Variants in APELA observed in about 807,000 individuals in gnomAD.
The protein encoded by APELA is protein Elabela.
Position 164,882,334 on chromosome 4 carries a change from C to T in APELA, c.*1+3325C>T, listed in dbSNP as rs1730669617. ...GTCAGGTTGGTCTCGAACTCCCGAC[C>T]TCAGGTGATCTGCCCCCCCTCAGAC... On this transcript the variant is annotated intron_variant, in intron 2 of 2. Coordinates refer to ENST00000507152, the MANE Select transcript of APELA (RefSeq NM_001297550.2). Among the ~76,000 whole-genome samples, 2 of 151,894 alleles carry T rather than the reference C, an allele frequency of 1.3e-5. 1 individual carries two copies. Among genetic ancestry groups the T allele is most frequent in the South Asian group, 4.1e-4 (2 of 4,830 alleles).
At chr4:164,890,196 AATAC>A in intron 2 of APELA, among the ~76,000 whole-genome samples, 1 of 152,292 alleles carries the variant, frequency 6.6e-6, no homozygotes, top group East Asian at 1.9e-4. Context: ...TTTCTTGCAA[AATAC>A]TCCTAGAAGT....
chr4:164,886,931 TTCTCCTGGCTCAGCC>T (rs2111060265), intron 2 of APELA, among the ~76,000 whole-genome samples: 1 of 152,094 alleles, frequency 6.6e-6, no homozygotes, highest in African/African-American at 2.4e-5. Context: ...GTTCAAGCAG[TTCTCCTGGCTCAGCC>T]TCCCAAGTAG....
rs1043434853 is a variant in APELA at position 164,878,813 on chromosome 4, A to C, written c.77-107A>C. On this transcript the variant is annotated intron_variant, in intron 1 of 2. Transcript: ENST00000507152. Reference sequence around the variant, plus strand: ...TTATAATCACATTTGAACAAATGGCAAATAACCACAATCTAGTTTGGCTCC... The same window carrying C: ...TTATAATCACATTTGAACAAATGGCCAATAACCACAATCTAGTTTGGCTCC... 6 of 397,392 alleles carry C rather than the reference A, an allele frequency of 1.5e-5. No homozygotes were observed. The East Asian group carries it at 1.8e-4, about 12-fold the overall frequency. 24.6% of individuals were successfully genotyped at this position (397,392 alleles called of 1,614,324 possible). A position where few individuals can be genotyped will look rare whatever the true frequency, so the allele number is the denominator to read the frequency against.
downstream of APELA, among the ~76,000 whole-genome samples, chr4:164,898,252 A>G (rs917660359): frequency 2.0e-5 from 3 of 151,604 alleles, no homozygotes; most frequent in Admixed American, 6.6e-5. Context: ...CTGTAATCCC[A>G]GCACTTTGGG....
At chr4:164,890,159 T>C (rs929541586) in intron 2 of APELA, among the ~76,000 whole-genome samples, 1 of 152,240 alleles carries the variant, frequency 6.6e-6, no homozygotes, top group African/African-American at 2.4e-5. Flanking sequence ...ATGGCATGCA[T>C]ACGTATTTGA....
intron 2 of APELA, among the ~76,000 whole-genome samples, chr4:164,892,775 CT>C (rs1293285693): frequency 1.3e-5 from 2 of 152,054 alleles, no homozygotes; most frequent in Non-Finnish European, 1.5e-5. Context: ...CTAATTCGAT[CT>C]TTTTTCTTGC....
At chr4:164,889,023 G>A (rs1243683461) in intron 2 of APELA, among the ~76,000 whole-genome samples, 2 of 151,576 alleles carry the variant, frequency 1.3e-5, no homozygotes, top group African/African-American at 4.9e-5. Context: ...TTTTTTTTGA[G>A]ACAGAGTTTT....
intron 2 of APELA, among the ~76,000 whole-genome samples, chr4:164,887,339 T>G (rs1467502548): frequency 1.3e-5 from 2 of 152,092 alleles, no homozygotes; most frequent in African/African-American, 4.8e-5. Flanking sequence ...CCTTCATATG[T>G]GCTGTGGGTC....
chr4:164,878,185 A>AAC (rs1424707821), intron 1 of APELA, among the ~76,000 whole-genome samples: 149 of 148,406 alleles, frequency 1.0e-3, no homozygotes, highest in Middle Eastern at 3.5e-3. Flanking sequence ...GAAAGAAAGA[A>AAC]AGAAACAGAA....
rs182143362 is a variant in APELA, at chr4:164,883,781, T to G, written c.*1+4772T>G. ...GATTACAGGCATGAGCCACTGTGTG[T>G]GGCCCCTAGTCTTTCAATAAAAAAT... On this transcript the variant is annotated intron_variant, in intron 2 of 2. Transcript: ENST00000507152. Among the ~76,000 whole-genome samples, 302 of 151,810 alleles carry G rather than the reference T, an allele frequency of 2.0e-3. 3 individuals carry two copies. Among genetic ancestry groups the G allele is most frequent in the Admixed American group, 0.017 (258 of 15,242 alleles).
In APELA at chr4:164,877,323, G is replaced by T. The variant is rs1309720943; in HGVS notation, c.-9G>T. On this transcript the variant is annotated 5_prime_UTR_variant, in exon 1 of 3. Coordinates refer to ENST00000507152, the MANE Select transcript of APELA (RefSeq NM_001297550.2). Reference sequence around the variant, plus strand: ...GAGAGTCATTGCTCTACTTTTGTGCGGTAGGAAAATGAGATTTCAGCAATT... The same window carrying T: ...GAGAGTCATTGCTCTACTTTTGTGCTGTAGGAAAATGAGATTTCAGCAATT... The T allele has an allele frequency of 2.5e-6, 1 of 398,842 alleles. No individual in the cohort carries two copies. The highest frequency in any genetic ancestry group is 4.4e-6 in the Non-Finnish European group (1 of 226,034). 24.7% of individuals were successfully genotyped at this position (398,842 alleles called of 1,614,324 possible).
chr4:164,884,131 G>GAAAT lies in APELA; in HGVS notation c.*1+5125_*1+5126insTAAA, dbSNP rs1340982509. Among the ~76,000 whole-genome samples the GAAAT allele has an allele frequency of 4.9e-5, 7 of 141,594 alleles. No homozygotes were observed. In the East Asian group the frequency reaches 1.4e-3, roughly 29 times the overall value. 92.9% of individuals were successfully genotyped at this position (141,594 alleles called of 152,430 possible). A position where few individuals can be genotyped will look rare whatever the true frequency, so the allele number is the denominator to read the frequency against. On this transcript the variant is annotated intron_variant, in intron 2 of 2. Transcript: ENST00000507152. ...AAAGAAAGAAAGAAAGAGAAAGAAAGAAAGAAAGAAAGAAAGAAAGAAAGA... is the reference window on the plus strand; with the variant it reads ...AAAGAAAGAAAGAAAGAGAAAGAAAGAAATAAAGAAAGAAAGAAAGAAAGAAAGA...
rs1361169022 is a variant in APELA, at chr4:164,894,616, G to T, written c.*2-800G>T. ...GACAGGGTTTCACCATGTTGGCCAG[G>T]CTGGTCTCAAACTCCTGGGCTTAAG... On this transcript the variant is annotated intron_variant, in intron 2 of 2. Coordinates refer to ENST00000507152, the MANE Select transcript of APELA (RefSeq NM_001297550.2). Among the ~76,000 whole-genome samples the T allele has an allele frequency of 4.6e-5, 7 of 152,164 alleles. No individual in the cohort carries two copies. In the East Asian group the frequency reaches 9.7e-4, roughly 21 times the overall value.
intron 2 of APELA, among the ~76,000 whole-genome samples, chr4:164,887,129 G>A (rs567218495): frequency 8.0e-4 from 122 of 152,260 alleles, no homozygotes; most frequent in Non-Finnish European, 1.6e-3. Flanking sequence ...CGCCCGGCCA[G>A]TTTTCTTCAT....
intron 2 of APELA, among the ~76,000 whole-genome samples, chr4:164,880,504 C>G (rs765885334): frequency 2.6e-5 from 4 of 152,104 alleles, no homozygotes; most frequent in Non-Finnish European, 5.9e-5. Context: ...GTTAAAATAT[C>G]CTTTGGTGTG....
intron 2 of APELA, among the ~76,000 whole-genome samples, chr4:164,888,745 C>G (rs1294799976): frequency 6.6e-6 from 1 of 152,254 alleles, no homozygotes. Context: ...ATTATGGCTT[C>G]TATACTTCTT....
intron 2 of APELA, among the ~76,000 whole-genome samples, chr4:164,892,819 G>C (rs1730908686): frequency 6.6e-6 from 1 of 151,882 alleles, no homozygotes; most frequent in Admixed American, 6.6e-5. Flanking sequence ...ATTTCTTTTT[G>C]AGTCAGTTTT....
chr4:164,885,188 T>A (rs1056224664), intron 2 of APELA, among the ~76,000 whole-genome samples: 1 of 152,122 alleles, frequency 6.6e-6, no homozygotes, highest in African/African-American at 2.4e-5. Context: ...TGGAGTGCAG[T>A]GGTGTGATCT....
chr4:164,879,591 T>A (rs1312784895), intron 2 of APELA, among the ~76,000 whole-genome samples: 1 of 152,092 alleles, frequency 6.6e-6, no homozygotes, highest in African/African-American at 2.4e-5. Context: ...ACTACAGGCA[T>A]GCGCCACCAC....
Sources: allele counts gnomAD v4.1 joint callset (sites outside exome capture counted in the v4.1 genomes callset), GRCh38; gene constraint gnomAD v4.1.1; transcripts MANE v1.5; gene names NCBI Gene and HGNC (gene_info 2026-07-23, HGNC 2026-07-21).